The following STK40 variants were observed in gnomAD, a reference collection of about 807,000 sequenced individuals.
STK40 encodes the protein serine/threonine-protein kinase 40.
Under a neutral mutation model 47.9 loss-of-function variants are expected in STK40, and 13 were observed. The ratio of observed to expected loss-of-function variants is 0.27; its 90% CI spans 0.18 to 0.43. The LOEUF (loss-of-function observed/expected upper bound fraction) is 0.43. STK40 is among the 20% of genes least tolerant of loss of function. STK40 has a pLI of 1.00. For missense variants in STK40, 460 were observed against 595.1 expected, an observed-to-expected ratio of 0.77 and a Z score of 2.36; for synonymous variants, 225 against 243.2, an observed-to-expected ratio of 0.93 and a Z score of 0.69.
At chr1:36,343,651 C>T (rs888176313) in intron 9 of STK40, among the ~76,000 whole-genome samples, 5 of 152,222 alleles carry the variant, frequency 3.3e-5, no homozygotes, top group African/African-American at 4.8e-5. Context: ...GCCCATGCCC[C>T]GCTGGCAGGG....
intron 1 of STK40, among the ~76,000 whole-genome samples, chr1:36,382,250 G>A (rs1169999681): frequency 6.6e-6 from 1 of 152,014 alleles, no homozygotes; most frequent in African/African-American, 2.4e-5. Context: ...TGCAATCTCG[G>A]CTCACTGCAC....
Position 36,344,103 on chromosome 1 carries a change from C to CCCGG in STK40, c.884+16_884+17insCCGG, listed in dbSNP as rs1557504197. The CCCGG allele has an allele frequency of 3.2e-6, 5 of 1,583,814 alleles. No homozygotes were observed. The highest frequency in any genetic ancestry group is 1.8e-5 in the Admixed American group (1 of 54,602). ...CAGGCTGGCTGCCCCCCCCACCCCC[C>CCCGG]GGGAGGCAGGACTCACTCAGGAATG... On this transcript the variant is annotated intron_variant, in intron 8 of 10. Coordinates refer to ENST00000373132, the MANE Select transcript of STK40 (RefSeq NM_001282547.2).
intron 1 of STK40, among the ~76,000 whole-genome samples, chr1:36,375,135 C>T (rs1401144762): frequency 2.0e-5 from 3 of 152,128 alleles, no homozygotes; most frequent in East Asian, 3.8e-4. Context: ...ACAGGGACAG[C>T]GCTACTCCCA....
intron 1 of STK40, chr1:36,372,910 C>G (rs1646962458): frequency 6.6e-6 from 1 of 152,236 alleles, no homozygotes; most frequent in African/African-American, 2.4e-5. Flanking sequence ...CATGTAGATG[C>G]TTCTACCAGG....
intron 1 of STK40, chr1:36,367,967 C>T: frequency 1.3e-6 from 1 of 788,412 alleles, no homozygotes; most frequent in Non-Finnish European, 1.5e-6. Flanking sequence ...GTCTGGAATT[C>T]AGACCTGGTG....
At chr1:36,373,513 A>T (rs986655826) in intron 1 of STK40, among the ~76,000 whole-genome samples, 3 of 152,152 alleles carry the variant, frequency 2.0e-5, no homozygotes, top group Admixed American at 6.6e-5. Flanking sequence ...TGAAGAAGGC[A>T]TGCACCCTCT....
chr1:36,341,929 G>A lies in STK40; in HGVS notation c.1134C>T (p.Tyr378=), dbSNP rs1646652486. The change falls in exon 11 of 11, where the codon TAC becomes TAT. Residue 378 remains tyrosine (Y), a synonymous_variant. Coordinates refer to ENST00000373132, the MANE Select transcript of STK40 (RefSeq NM_001282547.2). ...EECSQYEFEN[Y]MRQQLLLAEE... ...CGGCCAGCAGCAGCTGCTGACGCATGTAGTTCTCAAACTCGTACTGGGAGC... is the reference window on the plus strand; with the variant it reads ...CGGCCAGCAGCAGCTGCTGACGCATATAGTTCTCAAACTCGTACTGGGAGC... 2.5e-6 allele frequency: 4 copies of A among 1,613,934 alleles called. No individual in the cohort carries two copies. The highest frequency in any genetic ancestry group is 8.5e-7 in the Non-Finnish European group (1 of 1,179,972).
intron 1 of STK40, among the ~76,000 whole-genome samples, chr1:36,365,320 C>G (rs1646892485): frequency 6.6e-6 from 1 of 152,176 alleles, no homozygotes; most frequent in Admixed American, 6.5e-5. Flanking sequence ...CCCTAGGAGA[C>G]TGACTATATG....
At chr1:36,343,173 C>T in intron 10 of STK40, 191 bp downstream of exon 10, 1 of 732,564 alleles carries the variant, frequency 1.4e-6, no homozygotes, top group Middle Eastern at 2.3e-4. Flanking sequence ...CCAGCTACAC[C>T]AAGCCCAAGG....
rs1002682531 is a variant in STK40, at chr1:36,356,418, CTTTTTTT to C, written c.343-992_343-986del. Among the ~76,000 whole-genome samples the C allele has an allele frequency of 2.4e-3, 275 of 116,816 alleles. 1 individual carries two copies. Among genetic ancestry groups the C allele is most frequent in the African/African-American group, 8.4e-3 (259 of 30,950 alleles). The allele number at this position is 116,816 out of a possible 152,430, so 76.6% of individuals were successfully genotyped here. ...CTGAATATCCACATTTCTTCTTTTTCTTTTTTTTTTTTTTTTTTTTTTTGTGAGACGG... is the reference window on the plus strand; with the variant it reads ...CTGAATATCCACATTTCTTCTTTTTCTTTTTTTTTTTTTTTTGTGAGACGG... On this transcript the variant is annotated intron_variant, in intron 4 of 10. Transcript: ENST00000373132.
intron 4 of STK40, among the ~76,000 whole-genome samples, chr1:36,355,714 AG>A (rs1490998737): frequency 6.6e-6 from 1 of 152,250 alleles, no homozygotes; most frequent in African/African-American, 2.4e-5. Context: ...CAAAGGATTC[AG>A]ATCAGGTCTG....
At chr1:36,343,167 C>G in intron 10 of STK40, 197 bp downstream of exon 10, 2 of 720,922 alleles carry the variant, frequency 2.8e-6, no homozygotes, top group Non-Finnish European at 5.1e-6. Flanking sequence ...AGATCTCCAG[C>G]TACACCAAGC....
chr1:36,379,629 C>G (rs891156677), intron 1 of STK40, among the ~76,000 whole-genome samples: 1 of 152,024 alleles, frequency 6.6e-6, no homozygotes, highest in African/African-American at 2.4e-5. Flanking sequence ...ATCTGCCTGC[C>G]TCGGCCTCCT....
rs186557555 is a variant in STK40 at position 36,354,225 on chromosome 1, G to A, written c.623+139C>T. On this transcript the variant is annotated intron_variant, in intron 6 of 10. Transcript: ENST00000373132. The stretch of plus-strand genomic sequence containing the variant: ...CCAATTCCCATGTTCATCCCATCCC[G>A]AGCCCTGGGATTCCTGGAGGAAGTG... 1,076 of 856,424 alleles carry A rather than the reference G, an allele frequency of 1.3e-3. 8 individuals carry two copies. In the African/African-American group the frequency reaches 0.022, roughly 17 times the overall value. 53.1% of individuals were successfully genotyped at this position (856,424 alleles called of 1,614,324 possible).
chr1:36,341,832 G>C lies in STK40; in HGVS notation c.1231C>G (p.Arg411Gly). The C allele has an allele frequency of 1.2e-6, 2 of 1,613,594 alleles. No individual in the cohort carries two copies. The highest frequency in any genetic ancestry group is 1.7e-6 in the Non-Finnish European group (2 of 1,179,960). Residue 411 changes from arginine (R) to glycine (G), a missense_variant, in exon 11 of 11, where the codon CGA becomes GGA. Around this residue, in one of 3 missense-constraint regions of STK40, gnomAD observed 181 missense variants for 218.9 expected, o/e 0.83. Transcript: ENST00000373132. ...KRQFGSAPPV[R>G]RLGHDAQPMT... is the part of the protein sequence containing the mutation. ...GGCTGTGCGTCGTGGCCCAGCCGTCGCACCGGTGGTGCGCTGCCGAACTGC... is the reference window on the plus strand; with the variant it reads ...GGCTGTGCGTCGTGGCCCAGCCGTCCCACCGGTGGTGCGCTGCCGAACTGC...
At chr1:36,375,748 C>T (rs1237761060) in intron 1 of STK40, among the ~76,000 whole-genome samples, 7 of 152,038 alleles carry the variant, frequency 4.6e-5, no homozygotes, top group African/African-American at 1.2e-4. Context: ...AGGCCAGGCG[C>T]GGTGGCTCAC....
At chr1:36,364,980 T>C (rs67668902) in intron 1 of STK40, among the ~76,000 whole-genome samples, 29,734 of 150,016 alleles carry the variant, frequency 0.2, 4,389 homozygotes, top group African/African-American at 0.41. Context: ...ATTGTTTTGG[T>C]CCTTATTCTT....
intron 1 of STK40, among the ~76,000 whole-genome samples, chr1:36,384,630 T>TG (rs1647069771): frequency 6.6e-6 from 1 of 152,212 alleles, no homozygotes; most frequent in Non-Finnish European, 1.5e-5. Context: ...CTCCAAAGCC[T>TG]ACTCTTAACC....
At chr1:36,366,191 C>T (rs1372896334) in intron 1 of STK40, 1 of 152,158 alleles carries the variant, frequency 6.6e-6, no homozygotes, top group Non-Finnish European at 1.5e-5. Flanking sequence ...TACGCACAGG[C>T]ATGGTCTAGA....
Sources: gnomAD v4.1 joint callset for allele counts (sites outside exome capture counted in the v4.1 genomes callset) on GRCh38, gnomAD v4.1.1 for gene constraint, gnomAD v4.1.1 regional missense constraint, MANE v1.5 for transcripts, NCBI Gene and HGNC (gene_info 2026-07-23, HGNC 2026-07-21) for gene names.